ALCAM: variants seen among roughly 807,000 people sequenced by gnomAD.
ALCAM encodes the protein CD166 antigen.
Under a neutral mutation model 70.9 loss-of-function variants are expected in ALCAM, and 30 were observed. The ratio of observed to expected loss-of-function variants is 0.42; its 90% CI spans 0.32 to 0.57. The LOEUF is 0.57. Among genes scored for constraint, ALCAM ranks in the 20% least tolerant of loss-of-function variants. ALCAM has a pLI of 0.11. For synonymous variants in ALCAM, 249 were observed against 242.5 expected, an observed-to-expected ratio of 1.03 and a Z score of -0.25; for missense variants, 591 against 695.1, an observed-to-expected ratio of 0.85 and a Z score of 1.68.
chr3:105,495,315 T>A (rs987943107), intron 1 of ALCAM, among the ~76,000 whole-genome samples: 1 of 152,204 alleles, frequency 6.6e-6, no homozygotes, highest in African/African-American at 2.4e-5. Flanking sequence ...TGGGGGCTGC[T>A]GATATCTCAG....
intron 1 of ALCAM, among the ~76,000 whole-genome samples, chr3:105,433,509 A>G (rs1392846065): frequency 6.6e-6 from 1 of 152,160 alleles, no homozygotes; most frequent in Non-Finnish European, 1.5e-5. Flanking sequence ...AAGCTGATAC[A>G]CTGAACACTG....
chr3:105,494,130 C>A (rs1018015750), intron 1 of ALCAM, among the ~76,000 whole-genome samples: 1 of 152,056 alleles, frequency 6.6e-6, no homozygotes, highest in Non-Finnish European at 1.5e-5. Flanking sequence ...TAACTGCATG[C>A]TGAAAAGAAG....
At chr3:105,463,378 G>T (rs1332193796) in intron 1 of ALCAM, among the ~76,000 whole-genome samples, 2 of 151,284 alleles carry the variant, frequency 1.3e-5, no homozygotes, top group Non-Finnish European at 3.0e-5. Context: ...TTCCTAATTT[G>T]TCTATTTCTG....
chr3:105,484,670 GT>G (rs1938372430), intron 1 of ALCAM, among the ~76,000 whole-genome samples: 1 of 152,040 alleles, frequency 6.6e-6, no homozygotes. Flanking sequence ...TAATACGAGG[GT>G]CAGGCCAATC....
chr3:105,506,627 A>G (rs1425207670), intron 1 of ALCAM, among the ~76,000 whole-genome samples: 2 of 152,148 alleles, frequency 1.3e-5, no homozygotes, highest in East Asian at 3.8e-4. Context: ...AAATGACACT[A>G]TTGTCTTTAA....
At chr3:105,373,690 G>C (rs1935302213) in intron 1 of ALCAM, among the ~76,000 whole-genome samples, 1 of 152,076 alleles carries the variant, frequency 6.6e-6, no homozygotes, top group Non-Finnish European at 1.5e-5. Flanking sequence ...ACTTTTTTCA[G>C]TTGAACATAA....
At chr3:105,464,570 A>G (rs1033436814) in intron 1 of ALCAM, among the ~76,000 whole-genome samples, 7 of 151,342 alleles carry the variant, frequency 4.6e-5, no homozygotes, top group African/African-American at 1.5e-4. Context: ...GAAATAATGT[A>G]GTATGTTTTC....
At chr3:105,470,641 A>G (rs768949035) in intron 1 of ALCAM, among the ~76,000 whole-genome samples, 2 of 151,252 alleles carry the variant, frequency 1.3e-5, no homozygotes, top group African/African-American at 4.8e-5. Flanking sequence ...GATAAACAGG[A>G]TTTATTCACA....
At position 105,518,058 on chromosome 3, in the gene ALCAM, G is replaced by A. The variant is rs190260039; in HGVS notation, c.74-2009G>A. Among the ~76,000 whole-genome samples, 304 of 152,132 alleles carry A rather than the reference G, an allele frequency of 2.0e-3. 1 individual carries two copies. Among genetic ancestry groups the A allele is most frequent in the Admixed American group, 5.0e-3 (76 of 15,262 alleles). ...TAGCACATTAAAGTTCTATAGAGAA[G>A]AGAAAAGAAAAATGGTCTGTGAGAA... On this transcript the variant is annotated intron_variant, in intron 1 of 15. Transcript: ENST00000306107.
intron 1 of ALCAM, among the ~76,000 whole-genome samples, chr3:105,394,204 T>C (rs929865807): frequency 2.0e-5 from 3 of 151,940 alleles, no homozygotes; most frequent in Admixed American, 6.6e-5. Context: ...TACAAAATAA[T>C]TTAAAGTAAT....
intron 1 of ALCAM, among the ~76,000 whole-genome samples, chr3:105,422,834 A>C (rs144537997): frequency 6.6e-6 from 1 of 151,624 alleles, no homozygotes; most frequent in Non-Finnish European, 1.5e-5. Flanking sequence ...AATGGACAGA[A>C]GGAAAGTGTA....
At chr3:105,501,158 A>C (rs1450976107) in intron 1 of ALCAM, among the ~76,000 whole-genome samples, 1 of 152,228 alleles carries the variant, frequency 6.6e-6, no homozygotes, top group Non-Finnish European at 1.5e-5. Flanking sequence ...GAGGTGCTGC[A>C]CAAATGCGGG....
intron 8 of ALCAM, among the ~76,000 whole-genome samples, chr3:105,544,448 C>G (rs938361619): frequency 1.3e-5 from 2 of 151,610 alleles, no homozygotes; most frequent in East Asian, 3.9e-4. Flanking sequence ...TCTAGCCTGC[C>G]TTTCATCTTT....
At chr3:105,565,511 ACT>A (rs1473545663) in intron 14 of ALCAM, among the ~76,000 whole-genome samples, 3 of 152,122 alleles carry the variant, frequency 2.0e-5, no homozygotes, top group Admixed American at 6.5e-5. Flanking sequence ...TTATTATTAT[ACT>A]AATGTTTTCC....
At chr3:105,466,687 A>C (rs1207194761) in intron 1 of ALCAM, among the ~76,000 whole-genome samples, 2 of 151,456 alleles carry the variant, frequency 1.3e-5, no homozygotes. Context: ...AATGTTTAGA[A>C]CATTGTTTCA....
At chr3:105,438,705 G>A (rs193039826) in intron 1 of ALCAM, among the ~76,000 whole-genome samples, 1 of 152,198 alleles carries the variant, frequency 6.6e-6, no homozygotes, top group African/African-American at 2.4e-5. Flanking sequence ...AAGCAATCAT[G>A]TTGCTACAGA....
chr3:105,528,711 A>G (rs527577335), intron 3 of ALCAM, among the ~76,000 whole-genome samples: 5 of 152,244 alleles, frequency 3.3e-5, no homozygotes, highest in African/African-American at 7.2e-5. Context: ...GGAGAACAAC[A>G]CACACTGGGG....
chr3:105,375,141 T>G (rs1319408888), intron 1 of ALCAM, among the ~76,000 whole-genome samples: 1 of 152,232 alleles, frequency 6.6e-6, no homozygotes, highest in Non-Finnish European at 1.5e-5. Flanking sequence ...GACATTTATT[T>G]TCTTTCTTGT....
chr3:105,522,882 G>C (rs1187926013), intron 2 of ALCAM, among the ~76,000 whole-genome samples: 1 of 152,168 alleles, frequency 6.6e-6, no homozygotes, highest in Non-Finnish European at 1.5e-5. Context: ...GCTCACGCCT[G>C]TAATCCCAGC....
Sources: gnomAD v4.1 joint callset for allele counts (sites outside exome capture counted in the v4.1 genomes callset) on GRCh38, gnomAD v4.1.1 for gene constraint, MANE v1.5 for transcripts, NCBI Gene and HGNC (gene_info 2026-07-23, HGNC 2026-07-21) for gene names.